The following SYNE3 variants were observed in gnomAD, a reference collection of about 807,000 sequenced individuals.
The protein encoded by SYNE3 is spectrin repeat containing nuclear envelope family member 3, also known as nesprin-3.
SYNE3 carries 100 observed loss-of-function variants against 111.2 expected under a neutral mutation model. The observed-to-expected ratio is 0.90, with a 90% CI of 0.77 to 1.06. The LOEUF is 1.06. SYNE3 is among the 50% of genes least tolerant of loss of function. The probability of loss-of-function intolerance (pLI) is 0.00; values close to 1 mark genes in which losing one functional copy is unlikely to be tolerated. For synonymous variants in SYNE3, 547 were observed against 533.9 expected (o/e 1.02, Z -0.34); for missense variants, 1,160 against 1,240.3 (o/e 0.94, Z 0.97).
At chr14:95,482,162 G>C (rs996075064) in intron 1 of SYNE3, among the ~76,000 whole-genome samples, 1 of 152,176 alleles carries the variant, frequency 6.6e-6, no homozygotes, top group Non-Finnish European at 1.5e-5. Context: ...GGCCAGGCGT[G>C]GTGACTCACG....
Position 95,445,918 on chromosome 14 carries a change from G to T in SYNE3, c.1623C>A (p.Ser541Arg), listed in dbSNP as rs1188695454. The T allele has an allele frequency of 6.2e-7, 1 of 1,613,700 alleles. No homozygotes were observed. The highest frequency in any genetic ancestry group is 1.1e-5 in the South Asian group (1 of 91,082). The change falls in exon 9 of 18, where the codon AGC becomes AGA. Residue 541 changes from serine (S) to arginine (R), a missense_variant. Ser to Arg is a moderately radical substitution (Grantham distance 110, BLOSUM62 -1). Coordinates refer to ENST00000682763, the MANE Select transcript of SYNE3 (RefSeq NM_152592.6). Reference protein sequence around the residue: ...LLHNSLLQRKSKLQSLLAQHK... With the variant: ...LLHNSLLQRKRKLQSLLAQHK... ...GCCTGGTGCTGCACACCTGCAGTTT[G>T]CTTTTCCTCTGCAGGAGGCTGTTAT...
rs1887503296 is a variant in SYNE3 at position 95,457,157 on chromosome 14, G to A, written c.789+20C>T. The A allele has an allele frequency of 6.2e-7, 1 of 1,610,264 alleles. No homozygotes were observed. Among genetic ancestry groups the A allele is most frequent in the African/African-American group, 1.3e-5 (1 of 74,806 alleles). On this transcript the variant is annotated intron_variant, in intron 5 of 17. Transcript: ENST00000682763. ...GACTGTCCCTAGGGTCCCTCTGGTT[G>A]AGACACAGCTGGGGATTACCTGCAG...
chr14:95,488,404 T>A (rs1889658447), intron 1 of SYNE3, among the ~76,000 whole-genome samples: 1 of 152,216 alleles, frequency 6.6e-6, no homozygotes. Flanking sequence ...GATTGTGGAT[T>A]CATGCACCCA....
intron 8 of SYNE3, 134 bp downstream of exon 8, chr14:95,449,797 A>C (rs912155626): frequency 1.3e-5 from 18 of 1,419,242 alleles, no homozygotes; most frequent in African/African-American, 4.3e-5. Flanking sequence ...AGGACTCAGC[A>C]GACCGGGCGC....
chr14:95,435,315 G>A (rs901182585), intron 15 of SYNE3, among the ~76,000 whole-genome samples: 2 of 152,050 alleles, frequency 1.3e-5, no homozygotes, highest in African/African-American at 2.4e-5. Flanking sequence ...ACTGATAACT[G>A]CAACAACCAA....
At chr14:95,420,155 T>C (rs1478765231) in intron 17 of SYNE3, among the ~76,000 whole-genome samples, 1 of 151,034 alleles carries the variant, frequency 6.6e-6, no homozygotes, top group African/African-American at 2.4e-5. Context: ...CATGAATAAG[T>C]ACTCTTGGCT....
intron 3 of SYNE3, among the ~76,000 whole-genome samples, chr14:95,466,536 T>A (rs1443998890): frequency 1.3e-5 from 2 of 152,162 alleles, no homozygotes; most frequent in East Asian, 1.9e-4. Context: ...TGGGGATGCA[T>A]CTTGGGGAGC....
chr14:95,509,958 T>G (rs939398927), intron 1 of SYNE3, among the ~76,000 whole-genome samples: 2 of 152,214 alleles, frequency 1.3e-5, no homozygotes, highest in South Asian at 2.1e-4. Context: ...CTGAAGTACC[T>G]GCAAGACTTG....
rs1333255922 is a variant in SYNE3 at position 95,414,209 on chromosome 14, A to G, written c.*3617T>C. The G allele has an allele frequency of 6.6e-6, 1 of 152,158 alleles. No individual in the cohort carries two copies. The highest frequency in any genetic ancestry group is 1.9e-4 in the East Asian group (1 of 5,176). 9.4% of individuals were successfully genotyped at this position (152,158 alleles called of 1,614,324 possible). ...CTCCAGCCTGGGCTTTGGGGTCCTC[A>G]TTGCCCCATGTTGTGGGTTTGGACC... is the stretch of plus-strand genomic sequence containing the variant. On this transcript the variant is annotated 3_prime_UTR_variant, in exon 18 of 18. Transcript: ENST00000682763.
intron 7 of SYNE3, 60 bp downstream of exon 7, chr14:95,452,187 A>T (rs1352805309): frequency 6.7e-7 from 1 of 1,486,092 alleles, no homozygotes; most frequent in Non-Finnish European, 9.0e-7. Flanking sequence ...CCTTCTGGAG[A>T]TGGGGAAATG....
In SYNE3 at chr14:95,433,407, C is replaced by G. The variant is rs1885906026; in HGVS notation, c.2541G>C (p.Glu847Asp). Residue 847 changes from glutamate to aspartate, a missense_variant and splice_region_variant, in exon 16 of 18, where the codon GAG becomes GAC. Coordinates refer to ENST00000682763, the MANE Select transcript of SYNE3 (RefSeq NM_152592.6). ...GACCTTCTGGCACCCGAGCCTCCAGCTCCTGGGGGAAACAGCAGCGTCATG... is the reference window on the plus strand; with the variant it reads ...GACCTTCTGGCACCCGAGCCTCCAGGTCCTGGGGGAAACAGCAGCGTCATG... Reference protein sequence around the residue: ...DLRTRKSKLQELEARVPEGQH... With the variant: ...DLRTRKSKLQDLEARVPEGQH... 1 of 1,613,814 alleles carries G rather than the reference C, an allele frequency of 6.2e-7. No individual in the cohort carries two copies. Among genetic ancestry groups the G allele is most frequent in the African/African-American group, 1.3e-5 (1 of 74,956 alleles).
intron 1 of SYNE3, among the ~76,000 whole-genome samples, chr14:95,484,470 G>A (rs937023848): frequency 6.6e-6 from 1 of 152,198 alleles, no homozygotes; most frequent in African/African-American, 2.4e-5. Flanking sequence ...CAGTGTGGGC[G>A]GAGCCGGTCA....
intron 16 of SYNE3, among the ~76,000 whole-genome samples, chr14:95,432,705 C>T (rs11160247): frequency 0.24 from 36,070 of 150,204 alleles, 4,993 homozygotes; most frequent in East Asian, 0.54. Context: ...CAGGGGCCCC[C>T]GAAAAGGAAG....
chr14:95,467,588 C>T (rs531858672), intron 3 of SYNE3, among the ~76,000 whole-genome samples: 5 of 152,326 alleles, frequency 3.3e-5, no homozygotes, highest in Admixed American at 6.5e-5. Flanking sequence ...TGACAAAACA[C>T]GCTGGGTTCC....
At chr14:95,512,889 T>TA (rs1890773384) in intron 1 of SYNE3, among the ~76,000 whole-genome samples, 1 of 151,576 alleles carries the variant, frequency 6.6e-6, no homozygotes, top group Middle Eastern at 3.2e-3. Context: ...ATAAAATAAA[T>TA]AAAAAATAAC....
rs1888495151 is a variant in SYNE3 at position 95,470,988 on chromosome 14, A to T, written c.145-3021T>A. ...GAGCAACACGCCGTCTCAGGAAAAA[A>T]AAAAAAAGAAAGTAAGATGATATTT... On this transcript the variant is annotated intron_variant, in intron 2 of 17. Transcript: ENST00000682763. This position sits in a 1 kb window ranked among gnomAD's most constrained non-coding sequence, Gnocchi z 4.2. Among the ~76,000 whole-genome samples, 1 of 143,818 alleles carries T rather than the reference A, an allele frequency of 7.0e-6. No individual in the cohort carries two copies. Among genetic ancestry groups the T allele is most frequent in the African/African-American group, 2.6e-5 (1 of 39,190 alleles). The allele number at this position is 143,818 out of a possible 152,430, so 94.4% of individuals were successfully genotyped here. A position where few individuals can be genotyped will look rare whatever the true frequency, so the allele number is the denominator to read the frequency against.
chr14:95,510,663 C>A (rs987034694), intron 1 of SYNE3, among the ~76,000 whole-genome samples: 21 of 152,276 alleles, frequency 1.4e-4, no homozygotes, highest in Admixed American at 5.2e-4. Flanking sequence ...TGGCAGGTGC[C>A]TGTAGTCCCA....
chr14:95,430,509 G>A (rs1356208183), intron 17 of SYNE3, among the ~76,000 whole-genome samples: 1 of 152,202 alleles, frequency 6.6e-6, no homozygotes, highest in African/African-American at 2.4e-5. Flanking sequence ...AGTTCATGAA[G>A]TAAATAAGGT....
chr14:95,419,309 C>T (rs1014134742), intron 17 of SYNE3, among the ~76,000 whole-genome samples: 5 of 152,142 alleles, frequency 3.3e-5, no homozygotes, highest in African/African-American at 1.2e-4. Flanking sequence ...ATATTGGATC[C>T]TCTGTTATCT....
Sources: gnomAD v4.1 joint callset for allele counts (sites outside exome capture counted in the v4.1 genomes callset) on GRCh38, gnomAD v4.1.1 for gene constraint, Gnocchi (gnomAD v3.1) non-coding constraint, MANE v1.5 for transcripts, NCBI Gene and HGNC (gene_info 2026-07-23, HGNC 2026-07-21) for gene names.